Variants in DPH6 observed in about 807,000 individuals in gnomAD.
DPH6 encodes the protein diphthamine biosynthesis 6, also known as diphthine--ammonia ligase.
Under a neutral mutation model 38.2 loss-of-function variants are expected in DPH6, and 33 were observed. The observed-to-expected ratio is 0.86, with a 90% confidence interval of 0.65 to 1.15. The LOEUF is 1.15. Among genes scored for constraint, DPH6 ranks in the 50% most tolerant of loss-of-function variants. The pLI is 0.00. For missense variants in DPH6, 325 were observed against 320.0 expected, an observed-to-expected ratio of 1.02 and a Z score of -0.12; for synonymous variants, 108 against 103.0, an observed-to-expected ratio of 1.05 and a Z score of -0.30.
downstream of DPH6, among the ~76,000 whole-genome samples, chr15:35,326,465 T>C (rs1456828220): frequency 1.3e-5 from 2 of 152,196 alleles, no homozygotes; most frequent in African/African-American, 2.4e-5. Context: ...GACAGGGTCT[T>C]TCTGTTGCCT....
At chr15:35,378,207 C>T (rs747563738) in intron 7 of DPH6, among the ~76,000 whole-genome samples, 2 of 152,162 alleles carry the variant, frequency 1.3e-5, no homozygotes, top group Non-Finnish European at 2.9e-5. Flanking sequence ...ATTTATGCAG[C>T]CAACAGACAA....
intron 3 of DPH6, among the ~76,000 whole-genome samples, chr15:35,307,832 G>A (rs1179184569): frequency 6.6e-6 from 1 of 152,198 alleles, no homozygotes; most frequent in Admixed American, 6.5e-5. Context: ...AGTGAGCACA[G>A]TTATCTGGTA....
intron 5 of DPH6, among the ~76,000 whole-genome samples, chr15:35,428,581 T>C (rs1297590730): frequency 6.6e-6 from 1 of 152,050 alleles, no homozygotes; most frequent in Non-Finnish European, 1.5e-5. Context: ...GGGTCACAAT[T>C]TGGGAGCTCC....
chr15:35,472,281 T>C (rs973008668), intron 3 of DPH6, among the ~76,000 whole-genome samples: 15 of 152,194 alleles, frequency 9.9e-5, no homozygotes, highest in African/African-American at 2.2e-4. Flanking sequence ...GGATTAATAA[T>C]AGCAGAAGCA....
chr15:35,352,813 G>T (rs982322474), intron 3 of DPH6, among the ~76,000 whole-genome samples: 4 of 152,196 alleles, frequency 2.6e-5, no homozygotes, highest in Non-Finnish European at 5.9e-5. Flanking sequence ...GGATGGCTGG[G>T]TCAAATGATA....
chr15:35,511,698 T>A (rs1034263206), intron 3 of DPH6, among the ~76,000 whole-genome samples: 1 of 151,800 alleles, frequency 6.6e-6, no homozygotes, highest in Non-Finnish European at 1.5e-5. Flanking sequence ...ACCAAGAGAT[T>A]ATCATTTAAA....
chr15:35,484,506 G>C (rs1761615659), intron 3 of DPH6, among the ~76,000 whole-genome samples: 1 of 152,184 alleles, frequency 6.6e-6, no homozygotes, highest in African/African-American at 2.4e-5. Context: ...GTTCCTTGTG[G>C]TCTGTTGGAA....
At chr15:35,151,889 T>G in the DPH6 span, among the ~76,000 whole-genome samples, 1 of 152,250 alleles carries the variant, frequency 6.6e-6, no homozygotes, top group African/African-American at 2.4e-5. Context: ...TTGTTTGTTT[T>G]TGAATGTGTG....
At position 35,243,267 on chromosome 15, in the gene DPH6, C is replaced by G. The variant is rs1157663030; in HGVS notation, n.201-22685G>C. 1.4e-5 allele frequency among the ~76,000 whole-genome samples: 2 copies of G among 142,202 alleles called. 1 individual carries two copies. Among genetic ancestry groups the G allele is most frequent in the Non-Finnish European group, 3.1e-5 (2 of 65,204 alleles). 93.3% of individuals were successfully genotyped at this position (142,202 alleles called of 152,430 possible). A position where few individuals can be genotyped will look rare whatever the true frequency, so the allele number is the denominator to read the frequency against. On this transcript the variant is annotated intron_variant and non_coding_transcript_variant, in intron 3 of 3. Transcript: ENST00000560386. The stretch of plus-strand genomic sequence containing the variant: ...TCTCTCCCACTCTAGGTTCCCACGC[C>G]GCCCCTAATACCGCTTGAAGCAGCC...
In DPH6 at chr15:35,487,606, G is replaced by C. The variant is rs182330291; in HGVS notation, c.313-32786C>G. Reference sequence around the variant, plus strand: ...TGCAGAGCAGTGGGGCAGTAGGCCTGGCCCACAAAACCATTTTTCCCTCCT... The same window carrying C: ...TGCAGAGCAGTGGGGCAGTAGGCCTCGCCCACAAAACCATTTTTCCCTCCT... On this transcript the variant is annotated intron_variant, in intron 3 of 8. Coordinates refer to ENST00000256538, the MANE Select transcript of DPH6 (RefSeq NM_080650.4). Among the ~76,000 whole-genome samples the C allele has an allele frequency of 9.8e-4, 149 of 152,350 alleles. 1 individual carries two copies. Among genetic ancestry groups the C allele is most frequent in the African/African-American group, 3.4e-3 (143 of 41,584 alleles).
At chr15:35,190,567 C>T in the DPH6 span, among the ~76,000 whole-genome samples, 3 of 152,286 alleles carry the variant, frequency 2.0e-5, no homozygotes, top group East Asian at 5.8e-4. Flanking sequence ...TTAAGTTCTA[C>T]AACAGTGATG....
intron 3 of DPH6, among the ~76,000 whole-genome samples, chr15:35,344,084 A>G (rs544515492): frequency 2.1e-4 from 32 of 152,178 alleles, no homozygotes; most frequent in Middle Eastern, 3.4e-3. Flanking sequence ...AACCTGAAGT[A>G]GTCAATTAAG....
At chr15:35,177,122 C>T in the DPH6 span, among the ~76,000 whole-genome samples, 7 of 152,142 alleles carry the variant, frequency 4.6e-5, no homozygotes, top group Non-Finnish European at 1.0e-4. Flanking sequence ...TTTCCACCAA[C>T]CTCTCCTCAT....
At chr15:35,465,441 C>T (rs189860138) in intron 3 of DPH6, among the ~76,000 whole-genome samples, 7 of 152,148 alleles carry the variant, frequency 4.6e-5, no homozygotes, top group East Asian at 1.9e-4. Context: ...GATAACTAAG[C>T]GAGAAATTTA....
rs188986042 is a variant in DPH6 at position 35,468,643 on chromosome 15, C to T, written c.313-13823G>A. ...GACTTAAGGGACCAAATCTGTAACC[C>T]CAATGGACAGGATTATCAGAGGTTA... is the stretch of plus-strand genomic sequence containing the variant. On this transcript the variant is annotated intron_variant, in intron 3 of 8. Coordinates refer to ENST00000256538, the MANE Select transcript of DPH6 (RefSeq NM_080650.4). Among the ~76,000 whole-genome samples the T allele has an allele frequency of 3.9e-5, 6 of 151,962 alleles. No homozygotes were observed. The East Asian group carries it at 1.2e-3, about 29-fold the overall frequency.
chr15:35,489,408 A>G (rs1031114078), intron 3 of DPH6: 1 of 985,134 alleles, frequency 1.0e-6, no homozygotes, highest in Non-Finnish European at 1.2e-6. Context: ...TGAATCTTAA[A>G]CTAGCTTAAC....
intron 3 of DPH6, among the ~76,000 whole-genome samples, chr15:35,262,467 G>A (rs2051753580): frequency 2.0e-5 from 3 of 152,186 alleles, no homozygotes; most frequent in South Asian, 4.2e-4. Context: ...AGCACTTTGG[G>A]AGGCCGAGGC....
At chr15:35,473,942 G>A (rs1183295179) in intron 3 of DPH6, among the ~76,000 whole-genome samples, 2 of 97,432 alleles carry the variant, frequency 2.1e-5, no homozygotes, top group African/African-American at 5.6e-5. Flanking sequence ...GTGTGTGTGT[G>A]TGTGTGTGTG....
the DPH6 span, among the ~76,000 whole-genome samples, chr15:35,181,432 T>TTTTTTTTTTTTTTTTTTTTTGAGACGGA: frequency 1.4e-5 from 2 of 148,004 alleles, no homozygotes; most frequent in African/African-American, 2.5e-5. Context: ...TCACTATTCT[T>TTTTTTTTTTTTTTTTTTTTTGAGACGGA]GCCCTCAGAT....
Sources: gnomAD v4.1 joint callset for allele counts (sites outside exome capture counted in the v4.1 genomes callset) on GRCh38, gnomAD v4.1.1 for gene constraint, MANE v1.5 for transcripts, NCBI Gene and HGNC (gene_info 2026-07-23, HGNC 2026-07-21) for gene names.